Variants in MTRF1 observed in about 807,000 individuals in gnomAD.
The protein encoded by MTRF1 is mitochondrial translation release factor 1.
Under a neutral mutation model 62.9 loss-of-function variants are expected in MTRF1, and 51 were observed. That is an observed-to-expected ratio of 0.81 (90% CI 0.65 to 1.02). The LOEUF is 1.02. Among genes scored for constraint, MTRF1 ranks in the 50% least tolerant of loss-of-function variants. The pLI is 0.00. For synonymous variants in MTRF1, 158 were observed against 181.9 expected (o/e 0.87, Z 1.06); for missense variants, 446 against 530.0 (o/e 0.84, Z 1.56).
chr13:41,291,811 A>C, the MTRF1 span, among the ~76,000 whole-genome samples: 1 of 152,204 alleles, frequency 6.6e-6, no homozygotes, highest in Non-Finnish European at 1.5e-5. Flanking sequence ...AATGCCACTT[A>C]TGATTTACTG....
At chr13:41,240,820 A>G (rs1431394756) in intron 5 of MTRF1, among the ~76,000 whole-genome samples, 1 of 152,202 alleles carries the variant, frequency 6.6e-6, no homozygotes, top group African/African-American at 2.4e-5. Flanking sequence ...TACTATTAGA[A>G]CAAAAAAATA....
chr13:41,238,552 G>GGC (rs1228754560), intron 6 of MTRF1, among the ~76,000 whole-genome samples: 1 of 152,068 alleles, frequency 6.6e-6, no homozygotes, highest in African/African-American at 2.4e-5. Flanking sequence ...TGGAAGGAAT[G>GGC]GCGGAATTAG....
At chr13:41,306,518 G>A in the MTRF1 span, among the ~76,000 whole-genome samples, 2 of 152,212 alleles carry the variant, frequency 1.3e-5, no homozygotes, top group African/African-American at 2.4e-5. Context: ...AGTTAAATTG[G>A]CTGTGGGAAT....
chr13:41,283,188 T>A, the MTRF1 span, among the ~76,000 whole-genome samples: 37 of 152,178 alleles, frequency 2.4e-4, no homozygotes, highest in African/African-American at 8.9e-4. Flanking sequence ...AGTTCCAGAC[T>A]TAATCTTAGG....
the MTRF1 span, among the ~76,000 whole-genome samples, chr13:41,307,520 A>G: frequency 6.6e-6 from 1 of 151,880 alleles, no homozygotes; most frequent in Admixed American, 6.6e-5. Context: ...GCTACTCAGG[A>G]GGCTGAGGCA....
At chr13:41,265,515 T>C (rs1034842369), upstream of MTRF1, among the ~76,000 whole-genome samples, 9 of 152,132 alleles carry the variant, frequency 5.9e-5, no homozygotes, top group African/African-American at 2.2e-4. Flanking sequence ...AAAATTCATA[T>C]ATTGAAGCCC....
intron 3 of MTRF1, 151 bp from the exon 4 acceptor site, chr13:41,253,181 G>A (rs2039297330): frequency 5.1e-6 from 3 of 593,326 alleles, no homozygotes; most frequent in Non-Finnish European, 8.8e-6. Flanking sequence ...ATAATAAGTA[G>A]AACTAATTAG....
intron 5 of MTRF1, among the ~76,000 whole-genome samples, chr13:41,248,511 A>G (rs1364211616): frequency 1.3e-5 from 2 of 152,178 alleles, no homozygotes; most frequent in Non-Finnish European, 2.9e-5. Flanking sequence ...GGCCCCTGCC[A>G]CCCTGGGATC....
At chr13:41,276,695 G>A in the MTRF1 span, among the ~76,000 whole-genome samples, 1 of 152,076 alleles carries the variant, frequency 6.6e-6, no homozygotes, top group Non-Finnish European at 1.5e-5. Context: ...AAATGATAAT[G>A]AGCCTTCCCC....
chr13:41,217,314 G>T (rs1447511532), intron 9 of MTRF1, 86 bp from the exon 10 acceptor site: 1 of 744,484 alleles, frequency 1.3e-6, no homozygotes, highest in Non-Finnish European at 2.2e-6. Flanking sequence ...TTTCTTTGCA[G>T]TCATTATTTA....
intron 6 of MTRF1, among the ~76,000 whole-genome samples, 196 bp downstream of exon 6, chr13:41,240,065 A>AG (rs1217290026): frequency 6.6e-6 from 1 of 151,996 alleles, no homozygotes; most frequent in Non-Finnish European, 1.5e-5. Context: ...CAGCAGGCTG[A>AG]GGCAGGAGAA....
chr13:41,286,933 G>A, the MTRF1 span, among the ~76,000 whole-genome samples: 552 of 152,274 alleles, frequency 3.6e-3, 6 homozygotes, highest in African/African-American at 0.013. Flanking sequence ...AGGCTGTTCT[G>A]CTTTACCTAT....
At chr13:41,257,263 C>T (rs1566170198) in intron 2 of MTRF1, among the ~76,000 whole-genome samples, 1 of 152,132 alleles carries the variant, frequency 6.6e-6, no homozygotes, top group African/African-American at 2.4e-5. Context: ...TACTTATAGA[C>T]AATGGGAACA....
At position 41,262,157 on chromosome 13, in the gene MTRF1, G is replaced by GA. The variant is rs762431639; in HGVS notation, c.-8-1243dup. 6 of 151,756 alleles carry GA rather than the reference G, an allele frequency of 4.0e-5. No individual in the cohort carries two copies. In the South Asian group the frequency reaches 8.3e-4, roughly 21 times the overall value. The allele number at this position is 151,756 out of a possible 1,614,324, so 9.4% of individuals were successfully genotyped here. A position where few individuals can be genotyped will look rare whatever the true frequency, so the allele number is the denominator to read the frequency against. On this transcript the variant is annotated intron_variant, in intron 1 of 9. Transcript: ENST00000379480. The stretch of plus-strand genomic sequence containing the variant: ...TTCGAGACCAGCCTGGCCAACATGG[G>GA]AAAACCCCATCTCTACTAAAAATAC...
chr13:41,243,284 C>A (rs1333966947), intron 5 of MTRF1, among the ~76,000 whole-genome samples: 3 of 151,122 alleles, frequency 2.0e-5, no homozygotes, highest in Non-Finnish European at 4.4e-5. Context: ...TGGCACGTGT[C>A]TGTAGTCCCA....
At chr13:41,265,106 A>G (rs2040800650), upstream of MTRF1, among the ~76,000 whole-genome samples, 1 of 152,200 alleles carries the variant, frequency 6.6e-6, no homozygotes, top group East Asian at 1.9e-4. Flanking sequence ...TGAGTATTAT[A>G]TATAAAGCTT....
chr13:41,271,960 A>G, the MTRF1 span, among the ~76,000 whole-genome samples: 3 of 152,136 alleles, frequency 2.0e-5, no homozygotes, highest in African/African-American at 4.8e-5. Context: ...ACAACTTCCT[A>G]GGAGAAAAAA....
chr13:41,273,609 A>T, the MTRF1 span, among the ~76,000 whole-genome samples: 14 of 152,040 alleles, frequency 9.2e-5, no homozygotes, highest in Non-Finnish European at 1.6e-4. Flanking sequence ...AGGCTGAGGC[A>T]GGTGGATCAC....
chr13:41,302,100 C>T, the MTRF1 span, among the ~76,000 whole-genome samples: 1,174 of 152,192 alleles, frequency 7.7e-3, 16 homozygotes, highest in African/African-American at 0.027. Flanking sequence ...GATCTTGGCT[C>T]ATTGCAATCT....
Sources: gnomAD v4.1 joint callset for allele counts (sites outside exome capture counted in the v4.1 genomes callset) on GRCh38, gnomAD v4.1.1 for gene constraint, MANE v1.5 for transcripts, NCBI Gene and HGNC (gene_info 2026-07-23, HGNC 2026-07-21) for gene names.